PIK3R3: variants seen among roughly 807,000 people sequenced by gnomAD.
The protein encoded by PIK3R3 is phosphatidylinositol 3-kinase regulatory subunit gamma.
Under a neutral mutation model 62.9 loss-of-function variants are expected in PIK3R3, and 64 were observed. That is an observed-to-expected ratio of 1.02 (90% CI 0.83 to 1.25). The LOEUF (loss-of-function observed/expected upper bound fraction) is 1.25, where lower values mean the gene tolerates loss of function less well. PIK3R3 is among the 50% of genes most tolerant of loss of function. The pLI, the probability that PIK3R3 is intolerant of heterozygous loss-of-function variation, is 0.00. For missense variants in PIK3R3, 614 were observed against 561.6 expected (o/e 1.09, Z -0.94); for synonymous variants, 165 against 189.0 (o/e 0.87, Z 1.04).
intron 7 of PIK3R3, among the ~76,000 whole-genome samples, chr1:46,053,825 A>T (rs1647605975): frequency 6.6e-6 from 1 of 152,172 alleles, no homozygotes; most frequent in Admixed American, 6.5e-5. Context: ...TTCAGGGCAA[A>T]GAAGGACTTC....
At chr1:46,139,766 C>G in the PIK3R3 span, among the ~76,000 whole-genome samples, 1 of 152,220 alleles carries the variant, frequency 6.6e-6, no homozygotes, top group African/African-American at 2.4e-5. Flanking sequence ...ACACTTCTCA[C>G]TGATTCTGTT....
In PIK3R3 at chr1:46,043,665, C is replaced by G; in HGVS notation, c.*8G>C. Reference sequence around the variant, plus strand: ...TGCCAGAGAACCACCTCTCTTCCCACTTCCTCTTTATCTGCAAAGCGAGGG... The same window carrying G: ...TGCCAGAGAACCACCTCTCTTCCCAGTTCCTCTTTATCTGCAAAGCGAGGG... On this transcript the variant is annotated 3_prime_UTR_variant, in exon 10 of 10. Transcript: ENST00000262741. 1 of 1,613,544 alleles carries G rather than the reference C, an allele frequency of 6.2e-7. No individual in the cohort carries two copies.
At position 46,066,178 on chromosome 1, in the gene PIK3R3, T is replaced by A; in HGVS notation, c.497A>T (p.Asp166Val). Residue 166 changes from aspartate (D) to valine (V), a missense_variant and splice_region_variant, in exon 5 of 10, where the codon GAT becomes GTT. Physicochemically the swap from Asp to Val is radical, Grantham distance 152 (BLOSUM62 -3). Coordinates refer to ENST00000262741, the MANE Select transcript of PIK3R3 (RefSeq NM_003629.4). ...LMYPVSRYQQ[D>V]QLVKEDNIDA... ...AATATTATCTTCTTTTACCAACTGA[T>A]CCTATACAGGTAAAGAAAAAAATAA... is the stretch of plus-strand genomic sequence containing the variant. 3 of 1,561,042 alleles carry A rather than the reference T, an allele frequency of 1.9e-6. No individual in the cohort carries two copies. Among genetic ancestry groups the A allele is most frequent in the Non-Finnish European group, 2.6e-6 (3 of 1,135,894 alleles).
At chr1:46,074,308 A>C (rs1352196826) in intron 3 of PIK3R3, among the ~76,000 whole-genome samples, 2 of 146,228 alleles carry the variant, frequency 1.4e-5, no homozygotes, top group African/African-American at 2.5e-5. Flanking sequence ...AAAAAAAAAA[A>C]AAAAAAAAAC....
At chr1:46,108,599 T>C (rs1653424945) in intron 1 of PIK3R3, among the ~76,000 whole-genome samples, 1 of 152,196 alleles carries the variant, frequency 6.6e-6, no homozygotes, top group Non-Finnish European at 1.5e-5. Flanking sequence ...TATACATCTC[T>C]TCTCTCACAA....
intron 1 of PIK3R3, among the ~76,000 whole-genome samples, chr1:46,129,402 T>TTTTTTTAG (rs201992905): frequency 0.16 from 18,822 of 117,264 alleles, 1,403 homozygotes; most frequent in Middle Eastern, 0.25. Flanking sequence ...ATTGGGGGAT[T>TTTTTTTAG]TTATTTATTT....
the PIK3R3 span, among the ~76,000 whole-genome samples, chr1:46,145,717 GT>G: frequency 6.6e-6 from 1 of 152,180 alleles, no homozygotes; most frequent in Non-Finnish European, 1.5e-5. Flanking sequence ...TTCAACATGA[GT>G]TTTGATGGGA....
chr1:46,113,565 T>C (rs1043357880), intron 1 of PIK3R3, among the ~76,000 whole-genome samples: 3 of 152,118 alleles, frequency 2.0e-5, no homozygotes, highest in Admixed American at 1.3e-4. Context: ...GCCAGAATTA[T>C]AGGCATGAGC....
At chr1:46,166,080 T>TTTC in the PIK3R3 span, among the ~76,000 whole-genome samples, 735 of 151,712 alleles carry the variant, frequency 4.8e-3, 14 homozygotes, top group East Asian at 0.046. Flanking sequence ...GGCCTGTCCT[T>TTTC]TTATTATGAA....
intron 1 of PIK3R3, among the ~76,000 whole-genome samples, chr1:46,094,147 A>T (rs1651900677): frequency 6.6e-6 from 1 of 152,208 alleles, no homozygotes; most frequent in Non-Finnish European, 1.5e-5. Flanking sequence ...CAGATATTAA[A>T]TTCTGACTAT....
intron 3 of PIK3R3, among the ~76,000 whole-genome samples, chr1:46,070,193 T>A (rs929610993): frequency 6.6e-6 from 1 of 152,122 alleles, no homozygotes; most frequent in Non-Finnish European, 1.5e-5. Context: ...TAGACAAAAA[T>A]TGTTGATCCA....
intron 1 of PIK3R3, 70 bp from the exon 2 acceptor site, chr1:46,080,820 C>G: frequency 1.1e-6 from 1 of 946,630 alleles, no homozygotes; most frequent in Non-Finnish European, 1.7e-6. Context: ...TCAGGAGCAG[C>G]TCACTAACCA....
chr1:46,095,735 A>G lies in PIK3R3; in HGVS notation c.107-14985T>C, dbSNP rs116045509. Among the ~76,000 whole-genome samples, 497 of 152,332 alleles carry G rather than the reference A, an allele frequency of 3.3e-3. 6 individuals are homozygous for G. Among genetic ancestry groups the G allele is most frequent in the African/African-American group, 0.012 (484 of 41,578 alleles). On this transcript the variant is annotated intron_variant, in intron 1 of 9. Coordinates refer to ENST00000262741, the MANE Select transcript of PIK3R3 (RefSeq NM_003629.4). ...AAGGTTGACACATTTAGGTTGATAT[A>G]TTAGATTGATACATTAATGTGATTC...
chr1:46,096,425 AAGAC>A (rs1277633557), intron 1 of PIK3R3, among the ~76,000 whole-genome samples: 5 of 152,208 alleles, frequency 3.3e-5, no homozygotes, highest in Non-Finnish European at 1.5e-5. Context: ...AGCCATCTGA[AAGAC>A]AGTATACTAG....
intron 1 of PIK3R3, among the ~76,000 whole-genome samples, chr1:46,105,941 T>C (rs1653166282): frequency 6.6e-6 from 1 of 152,074 alleles, no homozygotes; most frequent in African/African-American, 2.4e-5. Flanking sequence ...AATGAAGAAA[T>C]AAAGTATATT....
intron 1 of PIK3R3, among the ~76,000 whole-genome samples, chr1:46,082,285 AT>A (rs1342981228): frequency 4.6e-5 from 7 of 152,194 alleles, no homozygotes; most frequent in Non-Finnish European, 7.3e-5. Context: ...CAGACAAACC[AT>A]GATTGAGGGG....
intron 3 of PIK3R3, among the ~76,000 whole-genome samples, chr1:46,075,707 T>G (rs1233157548): frequency 6.6e-6 from 1 of 151,792 alleles, no homozygotes; most frequent in Non-Finnish European, 1.5e-5. Flanking sequence ...ACAGAACCAA[T>G]AGGAGAGAGA....
Position 46,099,342 on chromosome 1 carries a change from A to G in PIK3R3, c.107-18592T>C, listed in dbSNP as rs1031746589. Among the ~76,000 whole-genome samples, 15 of 152,276 alleles carry G rather than the reference A, an allele frequency of 9.9e-5. 1 individual carries two copies. Among genetic ancestry groups the G allele is most frequent in the South Asian group, 6.2e-4 (3 of 4,824 alleles). ...GTACAATTTTTTATATGACAGAAAA[A>G]CTACCTGGTTCTAATCTCTGGCTGC... is the stretch of plus-strand genomic sequence containing the variant. On this transcript the variant is annotated intron_variant, in intron 1 of 9. Transcript: ENST00000262741.
the PIK3R3 span, among the ~76,000 whole-genome samples, chr1:46,160,771 C>G: frequency 6.6e-6 from 1 of 152,184 alleles, no homozygotes; most frequent in Non-Finnish European, 1.5e-5. Flanking sequence ...ATCACTAAAC[C>G]AATTTTTGTC....
Sources: allele counts gnomAD v4.1 joint callset (sites outside exome capture counted in the v4.1 genomes callset), GRCh38; gene constraint gnomAD v4.1.1; transcripts MANE v1.5; gene names NCBI Gene and HGNC (gene_info 2026-07-23, HGNC 2026-07-21).